The following FYB1 variants were observed in gnomAD, a reference collection of about 807,000 sequenced individuals.
The protein encoded by FYB1 is FYN binding protein 1, also known as FYN-binding protein 1.
In FYB1, 41 loss-of-function variants were observed where a neutral mutation model predicts 94.1. The ratio of observed to expected loss-of-function variants is 0.44; its 90% confidence interval spans 0.34 to 0.57. The LOEUF is 0.57. Ranked by LOEUF, FYB1 falls within the 20% of genes least tolerant of loss-of-function variation. The pLI, the probability that FYB1 is intolerant of heterozygous loss-of-function variation, is 0.02. For synonymous variants in FYB1, 367 were observed against 353.2 expected (o/e 1.04, Z -0.44); for missense variants, 1,050 against 976.8 (o/e 1.07, Z -1.00).
At chr5:39,140,909 G>T (rs1052860960) in intron 4 of FYB1, among the ~76,000 whole-genome samples, 186 bp downstream of exon 4, 1 of 152,204 alleles carries the variant, frequency 6.6e-6, no homozygotes, top group Non-Finnish European at 1.5e-5. Context: ...ATATTTGTCT[G>T]TAGTAAGGAA....
chr5:39,202,145 G>C lies in FYB1; in HGVS notation c.816C>G (p.Gly272=). ...VVLKPAASRG[G]PGLSKNGEEK... ...CTTCACCATTTTTGGAGAGACCTGGGCCTCCCCTGCTCGCAGCAGGTTTCA... is the reference window on the plus strand; with the variant it reads ...CTTCACCATTTTTGGAGAGACCTGGCCCTCCCCTGCTCGCAGCAGGTTTCA... The change falls in exon 2 of 19, where the codon GGC becomes GGG. Residue 272 remains glycine, a synonymous_variant. Transcript: ENST00000512982. 6.2e-7 allele frequency: 1 copy of C among 1,613,928 alleles called. No individual in the cohort carries two copies. The highest frequency in any genetic ancestry group is 8.5e-7 in the Non-Finnish European group (1 of 1,179,864).
Position 39,265,496 on chromosome 5 carries a change from A to C in FYB1, c.-28+8907T>G, listed in dbSNP as rs1409350508. On this transcript the variant is annotated intron_variant, in intron 1 of 1. Transcript: ENST00000510188. ...AAGACTCTGTCTCAAAAAAAAAAAA[A>C]AGAAAAAAAAATTAGCTGGGGATGG... 6.6e-5 allele frequency among the ~76,000 whole-genome samples: 10 copies of C among 150,586 alleles called. No homozygotes were observed. The East Asian group carries it at 2.0e-3, about 30-fold the overall frequency.
chr5:39,253,534 G>T (rs374910826), intron 1 of FYB1, among the ~76,000 whole-genome samples: 1 of 152,102 alleles, frequency 6.6e-6, no homozygotes. Context: ...AATGTGTGTT[G>T]TAAGGCATAG....
intron 1 of FYB1, among the ~76,000 whole-genome samples, chr5:39,215,298 G>A (rs1173468051): frequency 1.3e-5 from 2 of 151,914 alleles, no homozygotes; most frequent in African/African-American, 4.8e-5. Context: ...CATCTAATAT[G>A]AATAAAATAA....
At chr5:39,265,940 A>C (rs1017152610) in intron 1 of FYB1, among the ~76,000 whole-genome samples, 2 of 151,990 alleles carry the variant, frequency 1.3e-5, no homozygotes, top group African/African-American at 4.8e-5. Context: ...GGATGAAAGG[A>C]ACAAAACAAA....
intron 16 of FYB1, chr5:39,110,658 C>A: frequency 3.0e-6 from 1 of 332,882 alleles, no homozygotes. Flanking sequence ...AAAAAAGCAA[C>A]TTTTTTCATT....
chr5:39,138,928 A>ATT, intron 5 of FYB1: 1 of 564,036 alleles, frequency 1.8e-6, no homozygotes, highest in African/African-American at 1.9e-5. Flanking sequence ...TATTTAAAAT[A>ATT]TTTTTTTTCT....
intron 1 of FYB1, among the ~76,000 whole-genome samples, chr5:39,254,064 A>G (rs189271590): frequency 1.5e-4 from 23 of 152,306 alleles, no homozygotes; most frequent in African/African-American, 5.5e-4. Context: ...TATGGTGTAT[A>G]TGTACCACGT....
chr5:39,135,401 T>C (rs1351329695), intron 7 of FYB1, among the ~76,000 whole-genome samples: 1 of 152,228 alleles, frequency 6.6e-6, no homozygotes, highest in Non-Finnish European at 1.5e-5. Flanking sequence ...TGGAGTTTTT[T>C]CCCCTTTGCA....
At chr5:39,217,490 A>G (rs1039079831) in intron 1 of FYB1, among the ~76,000 whole-genome samples, 1 of 152,140 alleles carries the variant, frequency 6.6e-6, no homozygotes, top group Non-Finnish European at 1.5e-5. Flanking sequence ...CACAACAAGA[A>G]CAGAGGGCAA....
At chr5:39,125,110 A>C (rs1740514155) in intron 12 of FYB1, among the ~76,000 whole-genome samples, 1 of 152,048 alleles carries the variant, frequency 6.6e-6, no homozygotes, top group Non-Finnish European at 1.5e-5. Flanking sequence ...TTTTTAAGTA[A>C]GGGTTATATT....
intron 1 of FYB1, among the ~76,000 whole-genome samples, chr5:39,240,484 T>A (rs1554043735): frequency 2.0e-5 from 3 of 149,696 alleles, no homozygotes; most frequent in Non-Finnish European, 1.5e-5. Flanking sequence ...CAAGCCAAAA[T>A]CAATGCCATT....
intron 3 of FYB1, among the ~76,000 whole-genome samples, chr5:39,144,899 A>C (rs556489189): frequency 6.6e-6 from 1 of 152,300 alleles, no homozygotes; most frequent in Admixed American, 6.5e-5. Context: ...AAACACATAT[A>C]TGTTGTAAGA....
intron 2 of FYB1, among the ~76,000 whole-genome samples, chr5:39,191,347 G>T (rs1405087398): frequency 6.6e-6 from 1 of 152,184 alleles, no homozygotes; most frequent in Non-Finnish European, 1.5e-5. Context: ...CAGGACCAAG[G>T]CTGAAAAAGC....
At chr5:39,193,643 T>C (rs1747561657) in intron 2 of FYB1, among the ~76,000 whole-genome samples, 1 of 152,110 alleles carries the variant, frequency 6.6e-6, no homozygotes, top group Admixed American at 6.5e-5. Context: ...AGAAGCAAAC[T>C]GTAAGGTGAG....
At chr5:39,133,200 A>G (rs1741357630) in intron 9 of FYB1, among the ~76,000 whole-genome samples, 1 of 152,212 alleles carries the variant, frequency 6.6e-6, no homozygotes, top group South Asian at 2.1e-4. Context: ...CTGACAATGA[A>G]GATTGTTTCC....
intron 2 of FYB1, among the ~76,000 whole-genome samples, chr5:39,197,572 T>C (rs1407192349): frequency 6.6e-6 from 1 of 152,246 alleles, no homozygotes; most frequent in African/African-American, 2.4e-5. Context: ...CATTTATTTA[T>C]TTCTTCCAGG....
At chr5:39,121,183 C>CAAAAAAAAAAAAAAAAAA (rs56376626) in intron 14 of FYB1, among the ~76,000 whole-genome samples, 1 of 57,672 alleles carries the variant, frequency 1.7e-5, no homozygotes, top group African/African-American at 6.0e-5. Flanking sequence ...TAATGTAAAG[C>CAAAAAAAAAAAAAAAAAA]AAAAAAAAAA....
At chr5:39,243,354 C>T (rs1751308521) in intron 1 of FYB1, among the ~76,000 whole-genome samples, 1 of 151,644 alleles carries the variant, frequency 6.6e-6, no homozygotes, top group African/African-American at 2.4e-5. Flanking sequence ...CAGCTTTCTA[C>T]ATATGGCTAG....
Sources: allele counts gnomAD v4.1 joint callset (sites outside exome capture counted in the v4.1 genomes callset), GRCh38; gene constraint gnomAD v4.1.1; transcripts MANE v1.5; gene names NCBI Gene and HGNC (gene_info 2026-07-23, HGNC 2026-07-21).